The following TBCK variants were observed in gnomAD, a reference collection of about 807,000 sequenced individuals.
The protein encoded by TBCK is TBC1 domain containing kinase.
In TBCK, 99 loss-of-function variants were observed where a neutral mutation model predicts 113.4. The observed-to-expected ratio is 0.87, with a 90% CI of 0.74 to 1.03. The LOEUF (loss-of-function observed/expected upper bound fraction) is 1.03, where lower values mean the gene tolerates loss of function less well. TBCK is among the 50% of genes least tolerant of loss of function. The pLI, the probability that TBCK is intolerant of heterozygous loss-of-function variation, is 0.00. For synonymous variants in TBCK, 369 were observed against 370.8 expected (o/e 1.00, Z 0.05); for missense variants, 1,045 against 1,061.3 (o/e 0.98, Z 0.21).
At chr4:106,064,911 C>T (rs1736453144) in intron 25 of TBCK, among the ~76,000 whole-genome samples, 2 of 152,018 alleles carry the variant, frequency 1.3e-5, no homozygotes, top group East Asian at 1.9e-4. Context: ...ATTAAGCATG[C>T]TATGGTACCA....
chr4:106,212,234 A>C (rs1372176924), intron 20 of TBCK, among the ~76,000 whole-genome samples: 1 of 152,162 alleles, frequency 6.6e-6, no homozygotes, highest in African/African-American at 2.4e-5. Flanking sequence ...TTTATTCAAC[A>C]GCCTTTAAAA....
At chr4:106,110,069 C>T (rs1041872965) in intron 24 of TBCK, among the ~76,000 whole-genome samples, 5 of 152,338 alleles carry the variant, frequency 3.3e-5, no homozygotes, top group Non-Finnish European at 4.4e-5. Context: ...ACGTGCAGGA[C>T]TGCTCTCTCC....
rs541893951 is a variant in TBCK, at chr4:106,275,695, A to C, written c.267-13483T>G. Among the ~76,000 whole-genome samples the C allele has an allele frequency of 1.4e-4, 21 of 152,306 alleles. No individual in the cohort carries two copies. In the South Asian group the frequency reaches 3.9e-3, roughly 29 times the overall value. On this transcript the variant is annotated intron_variant, in intron 3 of 25. Coordinates refer to ENST00000394708, the MANE Select transcript of TBCK (RefSeq NM_001163435.3). The stretch of plus-strand genomic sequence containing the variant: ...ATCATATCAAAAACATAAGCTACTT[A>C]GGAAAAAATTTTTAAAAAGTAAAGC...
rs569827778 is a variant in TBCK at position 106,136,976 on chromosome 4, G to A, written c.2236-20598C>T. Among the ~76,000 whole-genome samples, 28 of 141,292 alleles carry A rather than the reference G, an allele frequency of 2.0e-4. 3 individuals carry two copies. The highest frequency in any genetic ancestry group is 3.5e-3 in the Middle Eastern group (1 of 284). The allele number at this position is 141,292 out of a possible 152,430, so 92.7% of individuals were successfully genotyped here. ...TAAAGGTCAAGGATGAGTGAATAAT[G>A]GCTCTTAAGTTTTGAACATGGTTGA... On this transcript the variant is annotated intron_variant, in intron 23 of 25. Transcript: ENST00000394708.
At chr4:106,093,723 G>T (rs1740586146) in intron 25 of TBCK, among the ~76,000 whole-genome samples, 1 of 152,070 alleles carries the variant, frequency 6.6e-6, no homozygotes, top group Non-Finnish European at 1.5e-5. Flanking sequence ...AATAACTATT[G>T]GGTACTAGGC....
At position 106,279,515 on chromosome 4, in the gene TBCK, T is replaced by C. The variant is rs952544464; in HGVS notation, c.266+15579A>G. Among the ~76,000 whole-genome samples, 7 of 152,284 alleles carry C rather than the reference T, an allele frequency of 4.6e-5. No individual in the cohort carries two copies. In the East Asian group the frequency reaches 1.2e-3, roughly 25 times the overall value. On this transcript the variant is annotated intron_variant, in intron 3 of 25. Transcript: ENST00000394708. The stretch of plus-strand genomic sequence containing the variant: ...ATGTACAATAAATTATTGTTGACTA[T>C]AGTCACAATGTTGTGCTATTAAATA...
intron 22 of TBCK, among the ~76,000 whole-genome samples, chr4:106,181,989 C>G (rs1002381691): frequency 6.6e-6 from 1 of 152,104 alleles, no homozygotes; most frequent in Non-Finnish European, 1.5e-5. Context: ...ATTGATTCTT[C>G]CTATCCATGA....
chr4:106,271,036 T>C (rs1400798639), intron 3 of TBCK, among the ~76,000 whole-genome samples: 3 of 152,128 alleles, frequency 2.0e-5, no homozygotes, highest in Non-Finnish European at 4.4e-5. Flanking sequence ...AAATAATACT[T>C]TAATAGCCAA....
chr4:106,041,876 A>G lies in TBCK; in HGVS notation c.*4694T>C, dbSNP rs769700632. On this transcript the variant is annotated 3_prime_UTR_variant, in exon 26 of 26. Transcript: ENST00000394708. The stretch of plus-strand genomic sequence containing the variant: ...GGCATTAACAGGAAAATTACTCAGA[A>G]AAGATATAAATACATGTGACTTTAT... The G allele has an allele frequency of 5.3e-5, 8 of 149,906 alleles. No homozygotes were observed. Among genetic ancestry groups the G allele is most frequent in the Non-Finnish European group, 1.0e-4 (7 of 68,038 alleles). The allele number at this position is 149,906 out of a possible 1,614,324, so 9.3% of individuals were successfully genotyped here. A position where few individuals can be genotyped will look rare whatever the true frequency, so the allele number is the denominator to read the frequency against.
intron 2 of TBCK, among the ~76,000 whole-genome samples, chr4:106,299,571 C>T (rs2125864648): frequency 6.6e-6 from 1 of 152,266 alleles, no homozygotes; most frequent in African/African-American, 2.4e-5. Context: ...TACTGCTGAG[C>T]CATAATCCTC....
intron 25 of TBCK, among the ~76,000 whole-genome samples, chr4:106,067,614 T>C (rs1736802910): frequency 6.6e-6 from 1 of 152,074 alleles, no homozygotes; most frequent in Non-Finnish European, 1.5e-5. Flanking sequence ...CCTCTAAGAG[T>C]TTTATAGTTG....
At chr4:106,171,403 A>T in intron 22 of TBCK, 133 bp from the exon 23 acceptor site, 1 of 556,924 alleles carries the variant, frequency 1.8e-6, no homozygotes, top group East Asian at 3.2e-5. Flanking sequence ...AAATGTCAGT[A>T]AAAAAAACAA....
intron 24 of TBCK, among the ~76,000 whole-genome samples, chr4:106,096,737 G>C (rs1456733515): frequency 6.6e-6 from 1 of 152,184 alleles, no homozygotes; most frequent in Non-Finnish European, 1.5e-5. Flanking sequence ...GAGCCAATGA[G>C]ATTCTCTCCC....
intron 23 of TBCK, among the ~76,000 whole-genome samples, chr4:106,151,992 T>C (rs1028115087): frequency 3.3e-5 from 5 of 152,138 alleles, no homozygotes; most frequent in African/African-American, 1.2e-4. Context: ...ATGGAGTCTT[T>C]AGGTTTTTCC....
chr4:106,095,774 T>A lies in TBCK; in HGVS notation c.2412-133A>T, dbSNP rs1212414311. On this transcript the variant is annotated intron_variant, in intron 24 of 25. Coordinates refer to ENST00000394708, the MANE Select transcript of TBCK (RefSeq NM_001163435.3). ...AGCTTATGTGAGTATTTTATCTAAATGAAGTAAGGCACCTCCAGGAGAAAA... is the reference window on the plus strand; with the variant it reads ...AGCTTATGTGAGTATTTTATCTAAAAGAAGTAAGGCACCTCCAGGAGAAAA... 4 of 663,450 alleles carry A rather than the reference T, an allele frequency of 6.0e-6. No individual in the cohort carries two copies. In the East Asian group the frequency reaches 1.3e-4, roughly 21 times the overall value. The allele number at this position is 663,450 out of a possible 1,614,324, so 41.1% of individuals were successfully genotyped here.
Position 106,235,241 on chromosome 4 carries a change from A to G in TBCK, c.1449+28T>C, listed in dbSNP as rs755239614. On this transcript the variant is annotated intron_variant, in intron 15 of 25. Coordinates refer to ENST00000394708, the MANE Select transcript of TBCK (RefSeq NM_001163435.3). ...CCATCCTTTCTTTGCATAATTAATC[A>G]GCTTCTAACCTTTTCTTTTTTCCTT... is the stretch of plus-strand genomic sequence containing the variant. 4.1e-6 allele frequency: 6 copies of G among 1,462,146 alleles called. 1 individual carries two copies. In the African/African-American group the frequency reaches 5.7e-5, roughly 14 times the overall value. The allele number at this position is 1,462,146 out of a possible 1,614,324, so 90.6% of individuals were successfully genotyped here. A position where few individuals can be genotyped will look rare whatever the true frequency, so the allele number is the denominator to read the frequency against.
chr4:106,300,114 G>T lies in TBCK; in HGVS notation c.194-4948C>A, dbSNP rs571936067. Among the ~76,000 whole-genome samples, 28 of 152,278 alleles carry T rather than the reference G, an allele frequency of 1.8e-4. No individual in the cohort carries two copies. The South Asian group carries it at 5.6e-3, about 30-fold the overall frequency. On this transcript the variant is annotated intron_variant, in intron 2 of 25. Coordinates refer to ENST00000394708, the MANE Select transcript of TBCK (RefSeq NM_001163435.3). ...TGGTTCTATAAGGGGGAGTTTCCTTGCACAAGTTCTCTTTTTTTGGCCTGC... is the reference window on the plus strand; with the variant it reads ...TGGTTCTATAAGGGGGAGTTTCCTTTCACAAGTTCTCTTTTTTTGGCCTGC...
At chr4:106,295,254 T>C (rs1021006408) in intron 2 of TBCK, 88 bp from the exon 3 acceptor site, 6 of 1,052,760 alleles carry the variant, frequency 5.7e-6, no homozygotes, top group African/African-American at 4.7e-5. Flanking sequence ...GATATTAATA[T>C]ATAACACCCA....
intron 19 of TBCK, among the ~76,000 whole-genome samples, chr4:106,217,066 C>G (rs1401229418): frequency 1.3e-5 from 2 of 151,772 alleles, no homozygotes; most frequent in Non-Finnish European, 2.9e-5. Context: ...GTTCAATATA[C>G]ACAAATCAAT....
Sources: gnomAD v4.1 joint callset for allele counts (sites outside exome capture counted in the v4.1 genomes callset) on GRCh38, gnomAD v4.1.1 for gene constraint, MANE v1.5 for transcripts, NCBI Gene and HGNC (gene_info 2026-07-23, HGNC 2026-07-21) for gene names.